ROR1: variants seen among roughly 807,000 people sequenced by gnomAD.
ROR1 encodes inactive tyrosine-protein kinase transmembrane receptor ROR1.
In ROR1, 19 loss-of-function variants were observed where a neutral mutation model predicts 78.8. The observed-to-expected ratio is 0.24, with a 90% CI of 0.17 to 0.35. The LOEUF is 0.35. ROR1 is among the 10% of genes least tolerant of loss of function. ROR1 has a pLI of 1.00. For missense variants in ROR1, 917 were observed against 1,177.8 expected (o/e 0.78, Z 3.24); for synonymous variants, 386 against 433.6 (o/e 0.89, Z 1.36).
chr1:63,809,750 C>T (rs144135050), intron 1 of ROR1, among the ~76,000 whole-genome samples: 128 of 152,300 alleles, frequency 8.4e-4, no homozygotes, highest in African/African-American at 2.9e-3. Flanking sequence ...CTGAAAATAT[C>T]TGTGTCAGAA....
At chr1:63,897,519 A>G (rs1645449856) in intron 1 of ROR1, among the ~76,000 whole-genome samples, 1 of 152,174 alleles carries the variant, frequency 6.6e-6, no homozygotes, top group Non-Finnish European at 1.5e-5. Context: ...TTTTCCACAT[A>G]AAGTTTCCTT....
At chr1:64,088,161 A>G (rs1331514903) in intron 4 of ROR1, among the ~76,000 whole-genome samples, 1 of 152,204 alleles carries the variant, frequency 6.6e-6, no homozygotes, top group African/African-American at 2.4e-5. Context: ...TTTGACACCA[A>G]TTATTGCTTT....
intron 1 of ROR1, among the ~76,000 whole-genome samples, chr1:63,938,794 A>G (rs855941): frequency 0.73 from 111,245 of 152,016 alleles, 42,177 homozygotes; most frequent in East Asian, 0.94. Flanking sequence ...CTGGGAGGTC[A>G]ACACCACCCT....
intron 1 of ROR1, among the ~76,000 whole-genome samples, chr1:63,961,455 A>T (rs1646026800): frequency 6.6e-6 from 1 of 152,216 alleles, no homozygotes; most frequent in Non-Finnish European, 1.5e-5. Context: ...TCAATGGATG[A>T]ATGAATAATG....
At chr1:63,843,400 C>T in intron 1 of ROR1, 2 of 750,724 alleles carry the variant, frequency 2.7e-6, no homozygotes, top group Non-Finnish European at 4.8e-6. Context: ...ACCAGGTCCT[C>T]CTCCTTGCTC....
chr1:64,089,030 T>G (rs1647175252), intron 4 of ROR1, among the ~76,000 whole-genome samples: 1 of 152,022 alleles, frequency 6.6e-6, no homozygotes, highest in African/African-American at 2.4e-5. Context: ...AAATATATTT[T>G]CATTGTTATT....
At chr1:63,882,667 T>G (rs662437) in intron 1 of ROR1, among the ~76,000 whole-genome samples, 6 of 152,134 alleles carry the variant, frequency 3.9e-5, no homozygotes, top group Non-Finnish European at 5.9e-5. Flanking sequence ...TGACAAGAGT[T>G]AGATTTTGGT....
At chr1:63,996,565 A>C (rs2100527715) in intron 1 of ROR1, among the ~76,000 whole-genome samples, 1 of 152,288 alleles carries the variant, frequency 6.6e-6, no homozygotes, top group South Asian at 2.1e-4. Context: ...TCTTAAATTT[A>C]TCTCTCTGAT....
intron 1 of ROR1, among the ~76,000 whole-genome samples, chr1:63,849,294 G>T (rs1219813234): frequency 6.6e-6 from 1 of 152,136 alleles, no homozygotes; most frequent in Non-Finnish European, 1.5e-5. Context: ...TTTGTTTATT[G>T]ATTTGTTCAT....
chr1:64,110,061 A>G (rs1648023645), intron 4 of ROR1, among the ~76,000 whole-genome samples: 1 of 152,150 alleles, frequency 6.6e-6, no homozygotes, highest in Non-Finnish European at 1.5e-5. Flanking sequence ...CTTTGTCCAT[A>G]TCACATAGCA....
rs1365480809 is a variant in ROR1, at chr1:64,173,062, A to G, written c.1387-4366A>G. 2.0e-5 allele frequency among the ~76,000 whole-genome samples: 3 copies of G among 152,178 alleles called. No homozygotes were observed. The East Asian group carries it at 5.8e-4, about 29-fold the overall frequency. ...GAAAATGAGTCTATAGTTAGGATTCATTTGTACCAAGTAACTTGAGCACCT... is the reference window on the plus strand; with the variant it reads ...GAAAATGAGTCTATAGTTAGGATTCGTTTGTACCAAGTAACTTGAGCACCT... On this transcript the variant is annotated intron_variant, in intron 8 of 8. Coordinates refer to ENST00000371079, the MANE Select transcript of ROR1 (RefSeq NM_005012.4).
intron 1 of ROR1, among the ~76,000 whole-genome samples, chr1:63,972,416 G>A (rs1397334406): frequency 3.3e-5 from 5 of 152,120 alleles, no homozygotes; most frequent in Non-Finnish European, 5.9e-5. Flanking sequence ...GAAGTCTTAT[G>A]TCATGTCTTG....
chr1:64,165,366 T>A (rs936995380), intron 8 of ROR1, among the ~76,000 whole-genome samples: 1 of 152,146 alleles, frequency 6.6e-6, no homozygotes, highest in African/African-American at 2.4e-5. Context: ...TTTTCATATG[T>A]TTGTTGGCCA....
At chr1:63,775,624 T>A (rs1259939942) in intron 1 of ROR1, among the ~76,000 whole-genome samples, 3 of 152,218 alleles carry the variant, frequency 2.0e-5, no homozygotes, top group African/African-American at 7.2e-5. Context: ...TCTGCGCTAC[T>A]TAGCAGTTGA....
chr1:63,856,796 G>A (rs1393623265), intron 1 of ROR1, among the ~76,000 whole-genome samples: 1 of 152,140 alleles, frequency 6.6e-6, no homozygotes, highest in Admixed American at 6.5e-5. Context: ...AAATGGAAGT[G>A]ATACATTTTA....
chr1:63,778,378 G>A (rs1456648223), intron 1 of ROR1, among the ~76,000 whole-genome samples: 1 of 152,184 alleles, frequency 6.6e-6, no homozygotes, highest in African/African-American at 2.4e-5. Flanking sequence ...CTGCTGACTT[G>A]GAGTGTTTGA....
At chr1:64,033,652 T>C (rs1221241316) in intron 2 of ROR1, among the ~76,000 whole-genome samples, 2 of 152,208 alleles carry the variant, frequency 1.3e-5, no homozygotes, top group Non-Finnish European at 2.9e-5. Context: ...TATATAGTAA[T>C]AATAATGACA....
At chr1:64,103,408 A>C (rs1647652154) in intron 4 of ROR1, among the ~76,000 whole-genome samples, 2 of 152,130 alleles carry the variant, frequency 1.3e-5, no homozygotes, top group Non-Finnish European at 2.9e-5. Context: ...TAGATATGTG[A>C]GTGAAACAAA....
intron 4 of ROR1, among the ~76,000 whole-genome samples, chr1:64,124,106 G>A (rs1482280648): frequency 1.3e-5 from 2 of 152,080 alleles, no homozygotes; most frequent in African/African-American, 2.4e-5. Context: ...TAATTTGTGT[G>A]TTTATATGTA....
Sources: allele counts gnomAD v4.1 joint callset (sites outside exome capture counted in the v4.1 genomes callset), GRCh38; gene constraint gnomAD v4.1.1; transcripts MANE v1.5; gene names NCBI Gene and HGNC (gene_info 2026-07-23, HGNC 2026-07-21).